MAML3: variants seen among roughly 807,000 people sequenced by gnomAD.
MAML3 encodes the protein mastermind like transcriptional coactivator 3, also known as mastermind-like protein 3.
Under a neutral mutation model 101.9 loss-of-function variants are expected in MAML3, and 27 were observed. The observed-to-expected ratio is 0.27, with a 90% CI of 0.20 to 0.37. The LOEUF is 0.37. MAML3 is among the 10% of genes least tolerant of loss of function. The probability of loss-of-function intolerance (pLI) is 1.00; values close to 1 mark genes in which losing one functional copy is unlikely to be tolerated. For missense variants in MAML3, 1,316 were observed against 1,444.9 expected, an observed-to-expected ratio of 0.91 and a Z score of 1.45; for synonymous variants, 501 against 555.9, an observed-to-expected ratio of 0.90 and a Z score of 1.39.
intron 1 of MAML3, among the ~76,000 whole-genome samples, chr4:140,079,330 T>C (rs1727828319): frequency 6.6e-6 from 1 of 152,208 alleles, no homozygotes; most frequent in Non-Finnish European, 1.5e-5. Context: ...TCTTGCTCAG[T>C]TGCCCAGGCA....
intron 1 of MAML3, among the ~76,000 whole-genome samples, chr4:140,120,153 C>T (rs1284154453): frequency 5.4e-5 from 8 of 148,952 alleles, no homozygotes; most frequent in South Asian, 2.2e-4. Context: ...AGGAGAATGG[C>T]GTGAACCCGG....
chr4:139,941,855 C>T (rs981877854), intron 1 of MAML3, among the ~76,000 whole-genome samples: 15 of 152,006 alleles, frequency 9.9e-5, no homozygotes, highest in African/African-American at 1.2e-4. Context: ...AATACCAAGC[C>T]GGTCACGATG....
chr4:139,733,243 C>A (rs1483744509), intron 2 of MAML3, among the ~76,000 whole-genome samples: 1 of 152,104 alleles, frequency 6.6e-6, no homozygotes, highest in Admixed American at 6.5e-5. Flanking sequence ...TTGATACTTT[C>A]CAGTTTTGAT....
intron 1 of MAML3, among the ~76,000 whole-genome samples, chr4:140,115,722 A>C (rs558875907): frequency 1.3e-5 from 2 of 152,208 alleles, no homozygotes; most frequent in Non-Finnish European, 2.9e-5. Context: ...CAATTTATCC[A>C]ATTGACATGT....
intron 2 of MAML3, among the ~76,000 whole-genome samples, chr4:139,732,227 G>GT (rs1353355605): frequency 6.6e-6 from 1 of 152,168 alleles, no homozygotes; most frequent in Non-Finnish European, 1.5e-5. Context: ...CATATTGGCA[G>GT]TTTTTTCTCA....
Position 139,890,304 on chromosome 4 carries a change from G to A in MAML3, c.1132C>T (p.Pro378Ser). The stretch of plus-strand genomic sequence containing the variant: ...GAAAAGGGAGGACCAGAAGAAGAAG[G>A]CCTCGCCTGGGGAGATCCCATGGAG... ...HVSMGSPQARPSSSGPPFSTV... is the reference protein window; with the variant it reads ...HVSMGSPQARSSSSGPPFSTV... The change falls in exon 2 of 5, where the codon CCT (proline) becomes TCT (serine). Residue 378 changes from proline (P) to serine (S), a missense_variant. Coordinates refer to ENST00000509479, the MANE Select transcript of MAML3 (RefSeq NM_018717.5). This position sits in a 1 kb window ranked among gnomAD's most constrained non-coding sequence, Gnocchi z 4.1. 2 of 1,613,586 alleles carry A rather than the reference G, an allele frequency of 1.2e-6. No homozygotes were observed. The highest frequency in any genetic ancestry group is 1.7e-6 in the Non-Finnish European group (2 of 1,179,664).
At chr4:139,894,500 C>A (rs1732565178) in intron 1 of MAML3, among the ~76,000 whole-genome samples, 2 of 130,670 alleles carry the variant, frequency 1.5e-5, no homozygotes, top group African/African-American at 6.2e-5. Flanking sequence ...CAGAGCAAGA[C>A]TCCATCTTAA....
intron 1 of MAML3, among the ~76,000 whole-genome samples, chr4:140,052,754 C>T (rs563982594): frequency 6.6e-6 from 1 of 152,144 alleles, no homozygotes; most frequent in Admixed American, 6.5e-5. Context: ...AGGCTGGTCT[C>T]GAACTCCTGA....
At chr4:139,844,978 TTCTCTC>T (rs897242162) in intron 2 of MAML3, among the ~76,000 whole-genome samples, 1 of 151,866 alleles carries the variant, frequency 6.6e-6, no homozygotes, top group African/African-American at 2.4e-5. Context: ...CTATTTCTCT[TTCTCTC>T]TCTCTGTCTG....
At chr4:139,938,254 G>A (rs1056476329) in intron 1 of MAML3, among the ~76,000 whole-genome samples, 1 of 152,218 alleles carries the variant, frequency 6.6e-6, no homozygotes, top group Non-Finnish European at 1.5e-5. Context: ...AAACAGCAAT[G>A]CTAAGCCCTG....
chr4:140,107,517 T>C (rs951978447), intron 1 of MAML3, among the ~76,000 whole-genome samples: 2 of 151,770 alleles, frequency 1.3e-5, no homozygotes, highest in African/African-American at 4.8e-5. Context: ...CTTTTTTTTT[T>C]TTTTTGAGAC....
intron 1 of MAML3, among the ~76,000 whole-genome samples, chr4:139,964,339 C>CA (rs1305782172): frequency 1.3e-5 from 2 of 151,938 alleles, no homozygotes; most frequent in Non-Finnish European, 2.9e-5. Context: ...AACACAGGAA[C>CA]AAAAAACCAA....
chr4:139,838,430 G>A (rs1290565141), intron 2 of MAML3, among the ~76,000 whole-genome samples: 2 of 152,110 alleles, frequency 1.3e-5, no homozygotes, highest in South Asian at 2.1e-4. Context: ...TTTTGGGGAG[G>A]AGCGTATCCA....
At chr4:139,983,144 CT>C (rs1464620641) in intron 1 of MAML3, among the ~76,000 whole-genome samples, 2 of 152,194 alleles carry the variant, frequency 1.3e-5, no homozygotes, top group Non-Finnish European at 2.9e-5. Flanking sequence ...AAGGTACATT[CT>C]TTGTGCTGTA....
intron 1 of MAML3, among the ~76,000 whole-genome samples, chr4:140,137,049 C>T (rs965052158): frequency 6.6e-6 from 1 of 152,248 alleles, no homozygotes; most frequent in African/African-American, 2.4e-5. Context: ...ACTGCAGTGG[C>T]GCTATCTCGG....
Position 140,153,404 on chromosome 4 carries a change from A to G in MAML3, c.-77T>C. The G allele has an allele frequency of 6.9e-7, 1 of 1,443,848 alleles. No homozygotes were observed. Among genetic ancestry groups the G allele is most frequent in the Non-Finnish European group, 9.1e-7 (1 of 1,097,188 alleles). 89.4% of individuals were successfully genotyped at this position (1,443,848 alleles called of 1,614,324 possible). A position where few individuals can be genotyped will look rare whatever the true frequency, so the allele number is the denominator to read the frequency against. On this transcript the variant is annotated 5_prime_UTR_variant, in exon 1 of 5. Transcript: ENST00000509479. Reference sequence around the variant, plus strand: ...ATCAGCCTCCTCCTTGGGTCCAAGGATTAAAATAGTTTAAGTGGAACGCGG... The same window carrying G: ...ATCAGCCTCCTCCTTGGGTCCAAGGGTTAAAATAGTTTAAGTGGAACGCGG...
At chr4:140,021,957 TG>T (rs1726740307) in intron 1 of MAML3, among the ~76,000 whole-genome samples, 1 of 152,174 alleles carries the variant, frequency 6.6e-6, no homozygotes, top group African/African-American at 2.4e-5. Flanking sequence ...TTTAGAGATA[TG>T]GGAACTGGGA....
intron 1 of MAML3, among the ~76,000 whole-genome samples, chr4:140,040,111 T>C (rs763158408): frequency 4.6e-5 from 7 of 152,182 alleles, no homozygotes; most frequent in Non-Finnish European, 1.0e-4. Flanking sequence ...CTGACTTTTT[T>C]CCTTTATAGG....
chr4:140,016,683 G>A (rs1726646908), intron 1 of MAML3, among the ~76,000 whole-genome samples: 2 of 152,138 alleles, frequency 1.3e-5, no homozygotes, highest in South Asian at 2.1e-4. Flanking sequence ...CAATTTCACG[G>A]AGGAAGGACA....
Sources: allele counts gnomAD v4.1 joint callset (sites outside exome capture counted in the v4.1 genomes callset), GRCh38; gene constraint gnomAD v4.1.1; non-coding constraint Gnocchi (gnomAD v3.1); transcripts MANE v1.5; gene names NCBI Gene and HGNC (gene_info 2026-07-23, HGNC 2026-07-21).